The following MICU3 variants were observed in gnomAD, a reference collection of about 807,000 sequenced individuals.
The protein encoded by MICU3 is calcium uptake protein 3, mitochondrial.
In MICU3, 62 loss-of-function variants were observed where a neutral mutation model predicts 66.5. The ratio of observed to expected loss-of-function variants is 0.93; its 90% confidence interval spans 0.76 to 1.15. The LOEUF is 1.15. MICU3 is among the 50% of genes most tolerant of loss of function. MICU3 has a pLI of 0.00. For synonymous variants in MICU3, 308 were observed against 240.7 expected, an observed-to-expected ratio of 1.28 and a Z score of -2.59; for missense variants, 779 against 664.4, an observed-to-expected ratio of 1.17 and a Z score of -1.90.
chr8:17,094,553 G>C (rs187896701), intron 8 of MICU3, among the ~76,000 whole-genome samples: 48 of 152,046 alleles, frequency 3.2e-4, no homozygotes, highest in Non-Finnish European at 6.5e-4. Flanking sequence ...TCTCGTAGCT[G>C]TTTTGCATTC....
intron 2 of MICU3, among the ~76,000 whole-genome samples, chr8:17,066,848 C>G (rs1415041094): frequency 6.6e-6 from 1 of 151,980 alleles, no homozygotes; most frequent in African/African-American, 2.4e-5. Context: ...TGCCTGGCCA[C>G]AGTTTCATAT....
At chr8:17,091,099 G>C (rs750211326) in intron 8 of MICU3, among the ~76,000 whole-genome samples, 4 of 151,888 alleles carry the variant, frequency 2.6e-5, no homozygotes, top group Non-Finnish European at 4.4e-5. Context: ...GGTGTAAGCT[G>C]CTACTTGATA....
downstream of MICU3, among the ~76,000 whole-genome samples, chr8:17,124,883 T>C (rs192058094): frequency 7.2e-5 from 11 of 152,266 alleles, no homozygotes; most frequent in African/African-American, 2.4e-4. Flanking sequence ...TTTTCTCTTC[T>C]TTCTAGGACT....
intron 1 of MICU3, among the ~76,000 whole-genome samples, chr8:17,031,140 A>G (rs1435756334): frequency 1.3e-5 from 2 of 151,972 alleles, no homozygotes; most frequent in East Asian, 3.9e-4. Flanking sequence ...ATCATGTGAG[A>G]CCAGGAATTC....
downstream of MICU3, among the ~76,000 whole-genome samples, chr8:17,125,327 C>G (rs915899951): frequency 5.9e-5 from 9 of 151,856 alleles, no homozygotes; most frequent in Admixed American, 4.6e-4. Flanking sequence ...CTTTTATTCT[C>G]TCTGATTATT....
chr8:17,046,714 C>T (rs1815150370), intron 1 of MICU3, among the ~76,000 whole-genome samples: 1 of 152,064 alleles, frequency 6.6e-6, no homozygotes, highest in Admixed American at 6.5e-5. Context: ...TGCCACCTAC[C>T]TAACGCCAGA....
intron 1 of MICU3, among the ~76,000 whole-genome samples, chr8:17,049,767 ATTAAG>A (rs2150564210): frequency 6.6e-6 from 1 of 152,320 alleles, no homozygotes; most frequent in African/African-American, 2.4e-5. Context: ...GCCCCTATAG[ATTAAG>A]TTAACTCTTT....
chr8:17,055,995 G>A (rs528690900), intron 1 of MICU3, among the ~76,000 whole-genome samples: 185 of 152,258 alleles, frequency 1.2e-3, no homozygotes, highest in Non-Finnish European at 1.4e-3. Context: ...CTGCCTGTAC[G>A]TTCAACCTCA....
At chr8:17,136,513 A>G in the MICU3 span, among the ~76,000 whole-genome samples, 1 of 152,022 alleles carries the variant, frequency 6.6e-6, no homozygotes, top group Non-Finnish European at 1.5e-5. Context: ...TTTTTAAGTC[A>G]CTGGGAAAAT....
chr8:17,126,503 A>G (rs947846575), downstream of MICU3, among the ~76,000 whole-genome samples: 1 of 152,198 alleles, frequency 6.6e-6, no homozygotes, highest in Non-Finnish European at 1.5e-5. Flanking sequence ...TAGTTCTAAT[A>G]TATCTGGAAG....
chr8:17,090,408 G>C (rs1225111140), intron 7 of MICU3, 138 bp from the exon 8 acceptor site: 1 of 635,458 alleles, frequency 1.6e-6, no homozygotes, highest in African/African-American at 1.9e-5. Context: ...TATTGTTCGT[G>C]TGCTCTATAT....
At chr8:17,096,214 A>G (rs915555843) in intron 8 of MICU3, among the ~76,000 whole-genome samples, 1 of 152,034 alleles carries the variant, frequency 6.6e-6, no homozygotes, top group Middle Eastern at 3.4e-3. Flanking sequence ...CAAAGTGTCC[A>G]GTTACACCTG....
Position 17,081,733 on chromosome 8 carries a change from T to TTTA in MICU3, c.688_690dup (p.Leu230dup). On this transcript the variant is annotated inframe_insertion, in exon 5 of 15. Coordinates refer to ENST00000318063, the MANE Select transcript of MICU3 (RefSeq NM_181723.3). ...CAGAATATCTTTTTCTTTTATGTAT[T>TTTA]TTAACAAGTAAGTATACTTATTGCT... is the stretch of plus-strand genomic sequence containing the variant. The TTTA allele has an allele frequency of 1.1e-6, 1 of 940,872 alleles. No homozygotes were observed. The highest frequency in any genetic ancestry group is 1.5e-5 in the South Asian group (1 of 66,666). 58.3% of individuals were successfully genotyped at this position (940,872 alleles called of 1,614,324 possible).
rs192171739 is a variant in MICU3 at position 17,040,192 on chromosome 8, G to A, written c.381+12532G>A. On this transcript the variant is annotated intron_variant, in intron 1 of 14. Transcript: ENST00000318063. ...CGAAGTGTTGGGATTATAGGCATGA[G>A]CCACTGTGCCTGGCCCCATTATCAT... 2.1e-3 allele frequency among the ~76,000 whole-genome samples: 313 copies of A among 152,254 alleles called. 3 individuals are homozygous for A. Among genetic ancestry groups the A allele is most frequent in the Admixed American group, 3.1e-3 (47 of 15,294 alleles).
intron 12 of MICU3, among the ~76,000 whole-genome samples, chr8:17,116,183 G>T (rs1802660769): frequency 6.6e-6 from 1 of 152,142 alleles, no homozygotes; most frequent in Non-Finnish European, 1.5e-5. Flanking sequence ...TAAAGTATCT[G>T]TCACTGATAG....
intron 7 of MICU3, among the ~76,000 whole-genome samples, chr8:17,089,464 A>G (rs1452772184): frequency 1.3e-5 from 2 of 152,164 alleles, no homozygotes; most frequent in African/African-American, 4.8e-5. Context: ...GTAAAATGTA[A>G]GGTGATGTTA....
chr8:17,043,133 G>T (rs372973354), intron 1 of MICU3, among the ~76,000 whole-genome samples: 172 of 151,376 alleles, frequency 1.1e-3, no homozygotes, highest in African/African-American at 3.9e-3. Context: ...TAGAGACGGG[G>T]TTTCACCGTG....
At chr8:17,063,903 A>G (rs1818264310) in intron 1 of MICU3, among the ~76,000 whole-genome samples, 181 bp from the exon 2 acceptor site, 1 of 152,170 alleles carries the variant, frequency 6.6e-6, no homozygotes, top group Non-Finnish European at 1.5e-5. Context: ...AATCTTTCGA[A>G]TATTAATTTA....
downstream of MICU3, among the ~76,000 whole-genome samples, chr8:17,124,563 C>T (rs575946086): frequency 6.6e-5 from 10 of 152,090 alleles, no homozygotes; most frequent in South Asian, 2.1e-3. Context: ...AGGATCTCCC[C>T]TCTCTCTCTG....
Sources: gnomAD v4.1 joint callset for allele counts (sites outside exome capture counted in the v4.1 genomes callset) on GRCh38, gnomAD v4.1.1 for gene constraint, MANE v1.5 for transcripts, NCBI Gene and HGNC (gene_info 2026-07-23, HGNC 2026-07-21) for gene names.